The following PCDH15 variants were observed in gnomAD, a reference collection of about 807,000 sequenced individuals.
PCDH15 encodes protocadherin-15.
A neutral mutation model predicts 178.5 loss-of-function variants in PCDH15; 129 were observed. The ratio of observed to expected loss-of-function variants is 0.72; its 90% CI spans 0.63 to 0.84. The LOEUF (loss-of-function observed/expected upper bound fraction) is 0.84, where lower values mean the gene tolerates loss of function less well. PCDH15 is among the 40% of genes least tolerant of loss of function. PCDH15 has a pLI of 0.00. For missense variants in PCDH15, 2,230 were observed against 2,099.9 expected (o/e 1.06, Z -1.21); for synonymous variants, 800 against 732.0 (o/e 1.09, Z -1.50).
At position 53,986,964 on chromosome 10, in the gene PCDH15, T is replaced by C. The variant is rs149177468; in HGVS notation, c.2868+8685A>G. 3.6e-3 allele frequency among the ~76,000 whole-genome samples: 551 copies of C among 152,280 alleles called. 3 individuals carry two copies. The highest frequency in any genetic ancestry group is 0.01 in the Middle Eastern group (3 of 292). ...GGCTAGTCAGTGGGAGTTTTTGAAG[T>C]TGAAACCAGACATTCTTGCTCCTGA... On this transcript the variant is annotated intron_variant, in intron 21 of 37. Coordinates refer to ENST00000644397, the MANE Select transcript of PCDH15 (RefSeq NM_001384140.1).
chr10:55,174,919 G>T (rs1470673622), intron 1 of PCDH15, among the ~76,000 whole-genome samples: 1 of 152,126 alleles, frequency 6.6e-6, no homozygotes, highest in East Asian at 1.9e-4. Flanking sequence ...TACCCTGGCA[G>T]GTATATAGCA....
chr10:55,188,113 A>G (rs1176907563), intron 1 of PCDH15, among the ~76,000 whole-genome samples: 1 of 151,998 alleles, frequency 6.6e-6, no homozygotes, highest in Non-Finnish European at 1.5e-5. Flanking sequence ...TTGGTGAATG[A>G]AGATAAGCAA....
intron 1 of PCDH15, among the ~76,000 whole-genome samples, chr10:55,210,773 C>T (rs924227420): frequency 6.6e-6 from 1 of 150,750 alleles, no homozygotes; most frequent in Non-Finnish European, 1.5e-5. Flanking sequence ...GGACTACAGC[C>T]GCGCACCACC....
intron 2 of PCDH15, among the ~76,000 whole-genome samples, chr10:55,077,136 CT>C (rs1310009923): frequency 2.0e-5 from 3 of 150,260 alleles, no homozygotes; most frequent in Non-Finnish European, 4.4e-5. Context: ...AGTGGAATAT[CT>C]TTTTCTGTCA....
chr10:53,940,721 G>A (rs777526231), intron 24 of PCDH15, 145 bp downstream of exon 24: 1 of 685,740 alleles, frequency 1.5e-6, no homozygotes, highest in Non-Finnish European at 2.6e-6. Context: ...TCGAGTTCAG[G>A]ATACATGGTT....
At chr10:54,580,899 C>G (rs925785649) in intron 2 of PCDH15, among the ~76,000 whole-genome samples, 10 of 152,016 alleles carry the variant, frequency 6.6e-5, no homozygotes, top group African/African-American at 2.2e-4. Context: ...TAAAATCTAA[C>G]ATCTCTTCAT....
intron 3 of PCDH15, among the ~76,000 whole-genome samples, chr10:54,449,179 T>C (rs188849828): frequency 1.3e-3 from 190 of 151,918 alleles, no homozygotes; most frequent in African/African-American, 4.4e-3. Context: ...AGAACTCCAC[T>C]GACTCTTCCT....
intron 1 of PCDH15, among the ~76,000 whole-genome samples, chr10:55,235,642 C>G (rs1256038948): frequency 6.6e-6 from 1 of 152,046 alleles, no homozygotes; most frequent in African/African-American, 2.4e-5. Context: ...AGCGGTGGCT[C>G]AGGCCTGTAA....
At chr10:55,075,366 ATTTTTTT>A (rs34779284) in intron 2 of PCDH15, among the ~76,000 whole-genome samples, 1 of 132,328 alleles carries the variant, frequency 7.6e-6, no homozygotes, top group Non-Finnish European at 1.6e-5. Flanking sequence ...TTTTGTTTAA[ATTTTTTT>A]TTTTTTTTTT....
chr10:54,948,618 A>G (rs1838251560), intron 2 of PCDH15, among the ~76,000 whole-genome samples: 1 of 151,918 alleles, frequency 6.6e-6, no homozygotes, highest in African/African-American at 2.4e-5. Flanking sequence ...AAAATAAAGC[A>G]GAAGAAGAGA....
chr10:53,905,089 G>A (rs1382526635), intron 25 of PCDH15: 1 of 480,526 alleles, frequency 2.1e-6, no homozygotes, highest in African/African-American at 2.0e-5. Context: ...AATCCTACAT[G>A]TCAGCCTCAT....
intron 2 of PCDH15, among the ~76,000 whole-genome samples, chr10:54,631,877 C>G (rs547865590): frequency 6.6e-6 from 1 of 152,162 alleles, no homozygotes; most frequent in Admixed American, 6.6e-5. Context: ...TGAGAACTCA[C>G]ACACTTCGCG....
intron 1 of PCDH15, among the ~76,000 whole-genome samples, chr10:55,284,643 A>C (rs1842821266): frequency 6.6e-6 from 1 of 152,018 alleles, no homozygotes; most frequent in Admixed American, 6.6e-5. Flanking sequence ...TACCATAGTA[A>C]AAATTTTAGG....
At chr10:54,597,548 A>C (rs776707178) in intron 2 of PCDH15, among the ~76,000 whole-genome samples, 1 of 151,958 alleles carries the variant, frequency 6.6e-6, no homozygotes, top group Non-Finnish European at 1.5e-5. Flanking sequence ...TACAGAAGCA[A>C]GAGAAAAACA....
chr10:54,689,704 A>C (rs964621544), intron 1 of PCDH15, among the ~76,000 whole-genome samples: 6 of 152,204 alleles, frequency 3.9e-5, no homozygotes, highest in African/African-American at 7.2e-5. Flanking sequence ...TGTGTTATAC[A>C]TAGAGCAGAA....
At chr10:53,960,527 AATTG>A (rs1182709437) in intron 22 of PCDH15, among the ~76,000 whole-genome samples, 1 of 152,238 alleles carries the variant, frequency 6.6e-6, no homozygotes, top group African/African-American at 2.4e-5. Context: ...TAGGATTTAT[AATTG>A]ATTATTTTCT....
At position 55,135,574 on chromosome 10, in the gene PCDH15, C is replaced by CTTTTT. The variant is rs56956557; in HGVS notation, c.-80+30997_-80+31001dup. On this transcript the variant is annotated intron_variant, in intron 2 of 5. Transcript: ENST00000458638. ...AGTTATAAAGCTTTTTCTTTTCTTT[C>CTTTTT]TTTTTTTTTTTTTTTTTTTTTTTTT... 8.4e-4 allele frequency among the ~76,000 whole-genome samples: 57 copies of CTTTTT among 68,222 alleles called. 1 individual carries two copies. Among genetic ancestry groups the CTTTTT allele is most frequent in the African/African-American group, 1.2e-3 (22 of 17,980 alleles). 44.8% of individuals were successfully genotyped at this position (68,222 alleles called of 152,430 possible). A position where few individuals can be genotyped will look rare whatever the true frequency, so the allele number is the denominator to read the frequency against.
intron 1 of PCDH15, among the ~76,000 whole-genome samples, chr10:55,246,202 T>G (rs1564928543): frequency 6.6e-6 from 1 of 152,224 alleles, no homozygotes; most frequent in South Asian, 2.1e-4. Flanking sequence ...TAATCGGCTA[T>G]GAATAAATAT....
rs184989141 is a variant in PCDH15, at chr10:54,079,726, C to T, written c.1998-302G>A. Among the ~76,000 whole-genome samples the T allele has an allele frequency of 1.0e-3, 152 of 152,124 alleles. 1 individual carries two copies. Among genetic ancestry groups the T allele is most frequent in the Admixed American group, 9.2e-4 (14 of 15,266 alleles). On this transcript the variant is annotated intron_variant, in intron 16 of 37. Transcript: ENST00000644397. ...AGAAGAACAGTATCTATCTTGTTTT[C>T]GATTATTTCAAGAGAAAAGACTTCA...
Sources: allele counts gnomAD v4.1 joint callset (sites outside exome capture counted in the v4.1 genomes callset), GRCh38; gene constraint gnomAD v4.1.1; transcripts MANE v1.5; gene names NCBI Gene and HGNC (gene_info 2026-07-23, HGNC 2026-07-21).